The following EPM2A variants were observed in gnomAD, a reference collection of about 807,000 sequenced individuals.
The protein encoded by EPM2A is laforin.
A neutral mutation model predicts 26.5 loss-of-function variants in EPM2A; 21 were observed. The observed-to-expected ratio is 0.79, with a 90% CI of 0.56 to 1.14. The LOEUF (loss-of-function observed/expected upper bound fraction) is 1.14. Ranked by LOEUF, EPM2A falls within the 50% of genes most tolerant of loss-of-function variation. EPM2A has a pLI of 0.00. For missense variants in EPM2A, 458 were observed against 440.8 expected (o/e 1.04, Z -0.35); for synonymous variants, 217 against 177.6 (o/e 1.22, Z -1.76).
intron 2 of EPM2A, among the ~76,000 whole-genome samples, chr6:145,605,526 G>T (rs1374394951): frequency 6.6e-6 from 1 of 152,010 alleles, no homozygotes; most frequent in Non-Finnish European, 1.5e-5. Context: ...ACATTCAATC[G>T]CAGGAAAATG....
chr6:145,465,997 T>C (rs1779386644), intron 4 of EPM2A, among the ~76,000 whole-genome samples: 1 of 151,988 alleles, frequency 6.6e-6, no homozygotes, highest in South Asian at 2.1e-4. Flanking sequence ...TCAAAATGGA[T>C]TAAAGACTTA....
At chr6:145,420,128 C>T (rs916655786) in intron 4 of EPM2A, among the ~76,000 whole-genome samples, 4 of 152,078 alleles carry the variant, frequency 2.6e-5, no homozygotes, top group Non-Finnish European at 4.4e-5. Flanking sequence ...TAAATCATCT[C>T]ATTTTTTTGT....
intron 2 of EPM2A, chr6:145,502,658 A>G: frequency 2.2e-6 from 1 of 459,794 alleles, no homozygotes; most frequent in Non-Finnish European, 4.5e-6. Context: ...ATTCAGTCTT[A>G]GGAAACACCT....
chr6:145,697,983 T>C (rs576870262), intron 1 of EPM2A, among the ~76,000 whole-genome samples: 4 of 152,096 alleles, frequency 2.6e-5, no homozygotes, highest in South Asian at 2.1e-4. Context: ...AGGGTATTAA[T>C]TGGGGAAGTG....
At chr6:145,691,567 TTC>T (rs1781283017) in intron 1 of EPM2A, among the ~76,000 whole-genome samples, 1 of 152,020 alleles carries the variant, frequency 6.6e-6, no homozygotes, top group Admixed American at 6.5e-5. Context: ...TAAGCAAACA[TTC>T]TAACATTGTC....
chr6:145,408,829 C>T (rs538113916), intron 4 of EPM2A, among the ~76,000 whole-genome samples: 2 of 152,220 alleles, frequency 1.3e-5, no homozygotes, highest in African/African-American at 4.8e-5. Flanking sequence ...CTCTCTGCTT[C>T]CTAGATGGCA....
chr6:145,447,748 C>A (rs1779144683), intron 4 of EPM2A, among the ~76,000 whole-genome samples: 1 of 151,960 alleles, frequency 6.6e-6, no homozygotes, highest in African/African-American at 2.4e-5. Flanking sequence ...CCTAAAACTC[C>A]AAGAACATAA....
At chr6:145,500,930 T>C (rs1390999902), downstream of EPM2A, among the ~76,000 whole-genome samples, 1 of 151,902 alleles carries the variant, frequency 6.6e-6, no homozygotes, top group Non-Finnish European at 1.5e-5. Context: ...TTCTATTTAT[T>C]GGTAAGAGTA....
intron 2 of EPM2A, among the ~76,000 whole-genome samples, chr6:145,676,778 C>T (rs1463490097): frequency 6.6e-6 from 1 of 152,008 alleles, no homozygotes; most frequent in Non-Finnish European, 1.5e-5. Flanking sequence ...GAAATTGAGG[C>T]AATAATTGAT....
At chr6:145,551,782 C>T (rs1780658753) in intron 2 of EPM2A, among the ~76,000 whole-genome samples, 1 of 151,548 alleles carries the variant, frequency 6.6e-6, no homozygotes, top group Non-Finnish European at 1.5e-5. Context: ...CCAAAGGATT[C>T]ACACGAATAA....
chr6:145,415,428 A>G (rs10457778), intron 4 of EPM2A, among the ~76,000 whole-genome samples: 18,203 of 152,184 alleles, frequency 0.12, 1,155 homozygotes, highest in South Asian at 0.24. Context: ...TCCACTACTA[A>G]CATAATTTTT....
intron 1 of EPM2A, among the ~76,000 whole-genome samples, chr6:145,733,890 A>G (rs1440104323): frequency 6.6e-6 from 1 of 152,146 alleles, no homozygotes; most frequent in Non-Finnish European, 1.5e-5. Flanking sequence ...CTAAAGAGAC[A>G]TTCATTTCAT....
At chr6:145,538,659 G>C (rs444564) in intron 2 of EPM2A, among the ~76,000 whole-genome samples, 73,068 of 152,054 alleles carry the variant, frequency 0.48, 17,541 homozygotes, top group South Asian at 0.61. Flanking sequence ...TTCAGAATGT[G>C]TAAGTATTGT....
chr6:145,708,138 T>C (rs1402348930), intron 1 of EPM2A, among the ~76,000 whole-genome samples: 1 of 152,214 alleles, frequency 6.6e-6, no homozygotes, highest in Non-Finnish European at 1.5e-5. Context: ...TTAGGGTATC[T>C]GGTGGAAGAA....
intron 2 of EPM2A, among the ~76,000 whole-genome samples, chr6:145,534,154 C>T (rs374000): frequency 0.44 from 67,445 of 151,764 alleles, 14,983 homozygotes; most frequent in South Asian, 0.58. Context: ...AATTTACTCA[C>T]AGATAATCTT....
At chr6:145,500,200 C>T (rs575458626), downstream of EPM2A, among the ~76,000 whole-genome samples, 1 of 152,176 alleles carries the variant, frequency 6.6e-6, no homozygotes, top group South Asian at 2.1e-4. Context: ...GATGTTCCAA[C>T]TATTTAGAGA....
intron 1 of EPM2A, among the ~76,000 whole-genome samples, chr6:145,729,060 T>G (rs1176260746): frequency 6.6e-6 from 1 of 152,214 alleles, no homozygotes; most frequent in African/African-American, 2.4e-5. Context: ...CCTTGGAAGT[T>G]TCCATGTGAT....
At chr6:145,691,082 A>G (rs1583063376) in intron 1 of EPM2A, among the ~76,000 whole-genome samples, 1 of 152,164 alleles carries the variant, frequency 6.6e-6, no homozygotes, top group East Asian at 1.9e-4. Flanking sequence ...AGTAGGGCTT[A>G]AAAGTACTTA....
rs1472876381 is a variant in EPM2A at position 145,635,358 on chromosome 6, G to T, written c.605C>A (p.Ser202Tyr). The T allele has an allele frequency of 6.2e-7, 1 of 1,613,982 alleles. No homozygotes were observed. The highest frequency in any genetic ancestry group is 1.7e-5 in the Admixed American group (1 of 60,000). Reference protein sequence around the residue: ...FQTEWDIVQNSSGCNRYPEPM... With the variant: ...FQTEWDIVQNYSGCNRYPEPM... ...CTCTGGGTAGCGGTTACAGCCTGAG[G>T]AATTCTGTACAATATCCCATTCAGT... The change falls in exon 3 of 4, where the codon TCC (serine) becomes TAC (tyrosine). Residue 202 changes from serine to tyrosine, a missense_variant. Physicochemically the swap from Ser to Tyr is moderately radical, Grantham distance 144 (BLOSUM62 -2). Coordinates refer to ENST00000367519, the MANE Select transcript of EPM2A (RefSeq NM_005670.4).
Sources: gnomAD v4.1 joint callset for allele counts (sites outside exome capture counted in the v4.1 genomes callset) on GRCh38, gnomAD v4.1.1 for gene constraint, MANE v1.5 for transcripts, NCBI Gene and HGNC (gene_info 2026-07-23, HGNC 2026-07-21) for gene names.